Variants in ZNF469 observed in about 807,000 individuals in gnomAD.
ZNF469 encodes the protein zinc finger protein 469.
A neutral mutation model predicts 1.0 loss-of-function variants in ZNF469; 1 was observed. The ratio of observed to expected loss-of-function variants is 1.00; its 90% CI spans 0.35 to 4.73. The LOEUF (loss-of-function observed/expected upper bound fraction) is 4.73, where lower values mean the gene tolerates loss of function less well. Among genes scored for constraint, ZNF469 ranks in the 30% most tolerant of loss-of-function variants. ZNF469 has a pLI of 0.16. For missense variants in ZNF469, 6,100 were observed against 5,356.3 expected (o/e 1.14, Z -4.33); for synonymous variants, 2,703 against 2,363.4 (o/e 1.14, Z -4.17).
the ZNF469 span, among the ~76,000 whole-genome samples, chr16:88,307,605 T>G: frequency 6.6e-6 from 1 of 152,232 alleles, no homozygotes; most frequent in Non-Finnish European, 1.5e-5. Context: ...ATGATATCAG[T>G]GTCTTTTCAT....
chr16:88,339,745 AT>A, the ZNF469 span, among the ~76,000 whole-genome samples: 1 of 64,366 alleles, frequency 1.6e-5, no homozygotes, highest in Non-Finnish European at 2.7e-5. Flanking sequence ...TGGCAGGGGG[AT>A]GGGGGACAGA....
chr16:88,129,708 T>A, the ZNF469 span, among the ~76,000 whole-genome samples: 5 of 152,024 alleles, frequency 3.3e-5, no homozygotes, highest in African/African-American at 9.7e-5. Context: ...CAAAAAAATA[T>A]AAAAAGCCAG....
the ZNF469 span, among the ~76,000 whole-genome samples, chr16:88,317,574 C>T: frequency 1.8e-4 from 27 of 152,218 alleles, no homozygotes; most frequent in Non-Finnish European, 3.4e-4. Context: ...TAGTCTCCAT[C>T]GTGCTGAGGC....
intron 1 of ZNF469, among the ~76,000 whole-genome samples, chr16:88,412,415 C>T (rs1905196449): frequency 6.6e-6 from 1 of 152,116 alleles, no homozygotes; most frequent in African/African-American, 2.4e-5. Flanking sequence ...TGCTGTGTGA[C>T]TGCAGGCACC....
At chr16:88,229,623 C>T in the ZNF469 span, among the ~76,000 whole-genome samples, 1,594 of 128,284 alleles carry the variant, frequency 0.012, 32 homozygotes, top group African/African-American at 0.039. Context: ...TGATGTCACG[C>T]GTGTGGATGT....
chr16:88,234,506 C>T, the ZNF469 span, among the ~76,000 whole-genome samples: 1 of 152,232 alleles, frequency 6.6e-6, no homozygotes, highest in Admixed American at 6.5e-5. Flanking sequence ...CACCTCCCAT[C>T]TCGCAGCGCA....
chr16:88,353,358 C>G, the ZNF469 span, among the ~76,000 whole-genome samples: 1 of 152,152 alleles, frequency 6.6e-6, no homozygotes, highest in Admixed American at 6.5e-5. Context: ...GAGGGCGGGA[C>G]AGTGTCACTA....
chr16:88,370,641 C>T, the ZNF469 span, among the ~76,000 whole-genome samples: 4 of 152,150 alleles, frequency 2.6e-5, no homozygotes, highest in African/African-American at 7.2e-5. Context: ...AGTCCTGAAG[C>T]GTGTGAGTCT....
At chr16:88,264,084 C>T in the ZNF469 span, among the ~76,000 whole-genome samples, 1 of 152,082 alleles carries the variant, frequency 6.6e-6, no homozygotes, top group African/African-American at 2.4e-5. Flanking sequence ...ACTCCCCACC[C>T]CCCAGGACCT....
At chr16:88,332,724 G>C in the ZNF469 span, among the ~76,000 whole-genome samples, 2 of 152,156 alleles carry the variant, frequency 1.3e-5, no homozygotes, top group African/African-American at 4.8e-5. Flanking sequence ...GGGGAGGGGG[G>C]GCTGCTGGGA....
At chr16:88,323,501 C>G in the ZNF469 span, among the ~76,000 whole-genome samples, 1 of 152,180 alleles carries the variant, frequency 6.6e-6, no homozygotes, top group East Asian at 1.9e-4. Context: ...CAGGCCCTGG[C>G]GAAATCTCTG....
At chr16:88,215,692 C>T in the ZNF469 span, among the ~76,000 whole-genome samples, 1 of 151,812 alleles carries the variant, frequency 6.6e-6, no homozygotes, top group Admixed American at 6.6e-5. Context: ...ACCTGGCCAG[C>T]CTTTTTTTTT....
Position 88,429,270 on chromosome 16 carries a change from G to T in ZNF469, c.1800G>T (p.Thr600=). ...ESPLPSPATN[T]AGSTCSSLSP... ...CACTGCCGTCACCGGCCACCAACAC[G>T]GCCGGCAGCACCTGCTCTTCCCTGT... Residue 600 remains threonine (T), a synonymous_variant, in exon 3 of 3, where the codon ACG becomes ACT. Coordinates refer to ENST00000565624, the MANE Select transcript of ZNF469 (RefSeq NM_001367624.2). 1 of 1,549,766 alleles carries T rather than the reference G, an allele frequency of 6.5e-7. No homozygotes were observed. Among genetic ancestry groups the T allele is most frequent in the Non-Finnish European group, 8.7e-7 (1 of 1,146,808 alleles).
At chr16:88,137,128 AC>A in the ZNF469 span, among the ~76,000 whole-genome samples, 1 of 152,200 alleles carries the variant, frequency 6.6e-6, no homozygotes, top group Admixed American at 6.5e-5. Context: ...AGCCATGTGC[AC>A]ATACAACCGT....
At chr16:88,200,137 C>T in the ZNF469 span, among the ~76,000 whole-genome samples, 8 of 152,078 alleles carry the variant, frequency 5.3e-5, no homozygotes, top group South Asian at 1.0e-3. Context: ...GAAGAGAACA[C>T]GGCAGTGGGG....
At chr16:88,273,441 A>G in the ZNF469 span, among the ~76,000 whole-genome samples, 1 of 152,030 alleles carries the variant, frequency 6.6e-6, no homozygotes, top group African/African-American at 2.4e-5. Context: ...AACCACACTG[A>G]CATACCACCT....
the ZNF469 span, among the ~76,000 whole-genome samples, chr16:88,332,868 G>A: frequency 1.3e-5 from 2 of 152,172 alleles, no homozygotes; most frequent in Non-Finnish European, 2.9e-5. Flanking sequence ...CCAAGGCCCC[G>A]GGTTGCCCCT....
the ZNF469 span, among the ~76,000 whole-genome samples, chr16:88,334,375 C>T: frequency 1.3e-5 from 2 of 152,204 alleles, no homozygotes; most frequent in African/African-American, 4.8e-5. Context: ...ATTTTTGTCA[C>T]ATTTGGGAAT....
Position 88,431,743 on chromosome 16 carries a change from C to T in ZNF469, c.4273C>T (p.Leu1425Phe). The T allele has an allele frequency of 6.5e-7, 1 of 1,550,074 alleles. No homozygotes were observed. Among genetic ancestry groups the T allele is most frequent in the Non-Finnish European group, 8.7e-7 (1 of 1,146,948 alleles). Residue 1425 changes from leucine (L) to phenylalanine (F), a missense_variant, in exon 3 of 3, where the codon CTC (leucine) becomes TTC (phenylalanine). By Grantham distance (22) the Leu-to-Phe change is conservative. Coordinates refer to ENST00000565624, the MANE Select transcript of ZNF469 (RefSeq NM_001367624.2). ...CCAGGACGGCGAGGATGCCGGTTCC[C>T]TCGAGCCACAGCTGCCAAGGAGCCC... ...LCQDGEDAGS[L>F]EPQLPRSPPG...
Sources: allele counts gnomAD v4.1 joint callset (sites outside exome capture counted in the v4.1 genomes callset), GRCh38; gene constraint gnomAD v4.1.1; transcripts MANE v1.5; gene names NCBI Gene and HGNC (gene_info 2026-07-23, HGNC 2026-07-21).